KLF12: variants seen among roughly 807,000 people sequenced by gnomAD.
KLF12 encodes the protein KLF transcription factor 12, also known as Krueppel-like factor 12.
KLF12 carries 9 observed loss-of-function variants against 37.8 expected under a neutral mutation model. The observed-to-expected ratio is 0.24, with a 90% CI of 0.14 to 0.42. The LOEUF (loss-of-function observed/expected upper bound fraction) is 0.42, where lower values mean the gene tolerates loss of function less well. Ranked by LOEUF, KLF12 falls within the 10% of genes least tolerant of loss-of-function variation. The pLI is 1.00. For synonymous variants in KLF12, 208 were observed against 202.1 expected (o/e 1.03, Z -0.25); for missense variants, 411 against 516.0 (o/e 0.80, Z 1.97).
At position 73,978,610 on chromosome 13, in the gene KLF12, T is replaced by C. The variant is rs186875354; in HGVS notation, c.33+16380A>G. ...CCACCAATCATTTCTTTTTTTATTT[T>C]TTAACCTCCCAAAGTCCAGGTTCCA... On this transcript the variant is annotated intron_variant, in intron 2 of 7. Coordinates refer to ENST00000377669, the MANE Select transcript of KLF12 (RefSeq NM_007249.5). 4.3e-4 allele frequency among the ~76,000 whole-genome samples: 65 copies of C among 152,300 alleles called. 1 individual carries two copies. Among genetic ancestry groups the C allele is most frequent in the Middle Eastern group, 3.4e-3 (1 of 294 alleles).
At chr13:74,073,725 AG>A (rs1270502868) in intron 1 of KLF12, among the ~76,000 whole-genome samples, 1 of 152,176 alleles carries the variant, frequency 6.6e-6, no homozygotes, top group Non-Finnish European at 1.5e-5. Flanking sequence ...ATAAGGATTG[AG>A]GGGGGAATGC....
At chr13:73,786,075 G>A (rs1328258676) in intron 5 of KLF12, among the ~76,000 whole-genome samples, 1 of 151,768 alleles carries the variant, frequency 6.6e-6, no homozygotes, top group Non-Finnish European at 1.5e-5. Context: ...CCTGTGCAAA[G>A]AGGCTGGGTC....
the KLF12 span, among the ~76,000 whole-genome samples, chr13:74,198,599 A>T: frequency 6.6e-6 from 1 of 152,216 alleles, no homozygotes; most frequent in Non-Finnish European, 1.5e-5. Flanking sequence ...ATAGTAATTC[A>T]TAAAAACTGG....
At chr13:74,104,470 C>T (rs148899282) in intron 1 of KLF12, among the ~76,000 whole-genome samples, 1 of 152,270 alleles carries the variant, frequency 6.6e-6, no homozygotes, top group African/African-American at 2.4e-5. Context: ...TTTGAATAAC[C>T]TGGACCCACT....
the KLF12 span, among the ~76,000 whole-genome samples, chr13:74,144,299 T>C: frequency 1.3e-5 from 2 of 152,216 alleles, no homozygotes; most frequent in African/African-American, 2.4e-5. Context: ...CATTTTCATA[T>C]TTCACTTGAC....
the KLF12 span, among the ~76,000 whole-genome samples, chr13:74,216,174 A>T: frequency 6.6e-6 from 1 of 152,150 alleles, no homozygotes; most frequent in African/African-American, 2.4e-5. Context: ...CCCATATTTG[A>T]AATCACGTTT....
chr13:74,072,370 T>TATATAC (rs1874307937), intron 1 of KLF12, among the ~76,000 whole-genome samples: 1 of 62,368 alleles, frequency 1.6e-5, no homozygotes, highest in African/African-American at 9.0e-5. Context: ...TACAAATATA[T>TATATAC]ATATATATAT....
intron 3 of KLF12, among the ~76,000 whole-genome samples, chr13:73,860,341 C>A (rs1885853941): frequency 6.6e-6 from 1 of 152,168 alleles, no homozygotes; most frequent in Non-Finnish European, 1.5e-5. Flanking sequence ...CTTTTGTAGA[C>A]AAGCACCTAT....
chr13:74,238,770 T>C, the KLF12 span, among the ~76,000 whole-genome samples: 1 of 152,108 alleles, frequency 6.6e-6, no homozygotes. Flanking sequence ...TGTATTTCTG[T>C]GGGATCAGTG....
chr13:73,899,583 A>T (rs1887945698), intron 3 of KLF12, among the ~76,000 whole-genome samples: 1 of 152,176 alleles, frequency 6.6e-6, no homozygotes, highest in South Asian at 2.1e-4. Context: ...TGTTTCCATG[A>T]AAGACTGACA....
At chr13:73,761,212 A>AT (rs1213081395) in intron 6 of KLF12, among the ~76,000 whole-genome samples, 26 of 152,278 alleles carry the variant, frequency 1.7e-4, no homozygotes, top group Non-Finnish European at 2.6e-4. Flanking sequence ...AGAAAAATAG[A>AT]TTTTTTCTGG....
intron 1 of KLF12, among the ~76,000 whole-genome samples, chr13:74,111,055 A>G (rs1262785238): frequency 6.6e-6 from 1 of 151,896 alleles, no homozygotes; most frequent in Non-Finnish European, 1.5e-5. Context: ...CAGGAGGCTG[A>G]GGCAGGAGAA....
chr13:73,738,121 A>ATATC (rs1237662671), intron 6 of KLF12, among the ~76,000 whole-genome samples: 1 of 54,094 alleles, frequency 1.8e-5, no homozygotes, highest in Non-Finnish European at 3.7e-5. Flanking sequence ...ATATATATAT[A>ATATC]TATACACACA....
intron 1 of KLF12, among the ~76,000 whole-genome samples, chr13:74,082,088 G>T (rs1874929530): frequency 6.6e-6 from 1 of 150,598 alleles, no homozygotes; most frequent in Admixed American, 6.7e-5. Flanking sequence ...AGCACTTTGG[G>T]AGGCTGAGGC....
chr13:74,244,857 C>A, the KLF12 span, among the ~76,000 whole-genome samples: 5 of 152,210 alleles, frequency 3.3e-5, no homozygotes, highest in Non-Finnish European at 7.3e-5. Flanking sequence ...GCCTCCTGAG[C>A]AATGTGTATT....
chr13:73,687,791 C>T lies in KLF12; in HGVS notation c.*7699G>A, dbSNP rs776921612. 2 of 152,154 alleles carry T rather than the reference C, an allele frequency of 1.3e-5. No individual in the cohort carries two copies. Among genetic ancestry groups the T allele is most frequent in the Non-Finnish European group, 2.9e-5 (2 of 68,036 alleles). 9.4% of individuals were successfully genotyped at this position (152,154 alleles called of 1,614,324 possible). A position where few individuals can be genotyped will look rare whatever the true frequency, so the allele number is the denominator to read the frequency against. ...GATGCAATAATTCACACAAGGAGTC[C>T]ATTCATTGGTTCTCGCCTTGCACAA... On this transcript the variant is annotated 3_prime_UTR_variant, in exon 8 of 8. Transcript: ENST00000377669.
chr13:73,943,284 T>A (rs1422454551), intron 3 of KLF12, among the ~76,000 whole-genome samples: 1 of 152,188 alleles, frequency 6.6e-6, no homozygotes, highest in East Asian at 1.9e-4. Flanking sequence ...CAGCACTTTA[T>A]CTCTTAAAGT....
chr13:74,193,125 C>A, the KLF12 span, among the ~76,000 whole-genome samples: 1 of 151,840 alleles, frequency 6.6e-6, no homozygotes. Flanking sequence ...ATTACAGGTG[C>A]CTGCTACCAC....
chr13:73,711,487 G>A (rs1395385518), intron 7 of KLF12, among the ~76,000 whole-genome samples: 2 of 152,160 alleles, frequency 1.3e-5, no homozygotes, highest in African/African-American at 4.8e-5. Context: ...GAAAATCCTA[G>A]GGCCCTTAAA....
Sources: gnomAD v4.1 joint callset for allele counts (sites outside exome capture counted in the v4.1 genomes callset) on GRCh38, gnomAD v4.1.1 for gene constraint, MANE v1.5 for transcripts, NCBI Gene and HGNC (gene_info 2026-07-23, HGNC 2026-07-21) for gene names.